The following RPGRIP1L variants were observed in gnomAD, a reference collection of about 807,000 sequenced individuals.
RPGRIP1L encodes the protein protein fantom.
Under a neutral mutation model 160.4 loss-of-function variants are expected in RPGRIP1L, and 131 were observed. The ratio of observed to expected loss-of-function variants is 0.82; its 90% CI spans 0.71 to 0.94. The LOEUF (loss-of-function observed/expected upper bound fraction) is 0.94. RPGRIP1L is among the 40% of genes least tolerant of loss of function. The pLI, the probability that RPGRIP1L is intolerant of heterozygous loss-of-function variation, is 0.00. For missense variants in RPGRIP1L, 1,522 were observed against 1,535.8 expected, an observed-to-expected ratio of 0.99 and a Z score of 0.15; for synonymous variants, 510 against 515.8, an observed-to-expected ratio of 0.99 and a Z score of 0.15.
At chr16:53,625,464 C>T (rs2150988028) in intron 22 of RPGRIP1L, among the ~76,000 whole-genome samples, 1 of 128,118 alleles carries the variant, frequency 7.8e-6, no homozygotes, top group East Asian at 2.8e-4. Flanking sequence ...GCAGCCGCCC[C>T]ATCTGGGGGC....
At chr16:53,636,299 T>C (rs558276871) in intron 22 of RPGRIP1L, 140 bp downstream of exon 22, 13 of 673,814 alleles carry the variant, frequency 1.9e-5, no homozygotes, top group African/African-American at 1.8e-4. Flanking sequence ...AGATGACTAC[T>C]TGGTTAAGAT....
intron 22 of RPGRIP1L, among the ~76,000 whole-genome samples, chr16:53,626,290 T>G (rs1253471869): frequency 6.6e-6 from 1 of 152,054 alleles, no homozygotes; most frequent in Non-Finnish European, 1.5e-5. Flanking sequence ...TCAGAATTAC[T>G]AGAGCAACAT....
At chr16:53,640,971 T>C (rs1203839202) in intron 19 of RPGRIP1L, 62 bp downstream of exon 19, 1 of 1,129,914 alleles carries the variant, frequency 8.9e-7, no homozygotes, top group African/African-American at 1.5e-5. Context: ...ATAATATGCC[T>C]ATATAATTTA....
chr16:53,672,025 C>T (rs574556975), intron 8 of RPGRIP1L, among the ~76,000 whole-genome samples: 2 of 152,036 alleles, frequency 1.3e-5, no homozygotes, highest in African/African-American at 4.8e-5. Context: ...TTGTTAATCA[C>T]AATTTACTCT....
chr16:53,659,101 G>A (rs1226354044), intron 10 of RPGRIP1L: 1 of 654,966 alleles, frequency 1.5e-6, no homozygotes, highest in African/African-American at 1.8e-5. Flanking sequence ...AAAAACCCAA[G>A]ACATAAGTTC....
At chr16:53,681,004 C>G (rs1213366258) in intron 6 of RPGRIP1L, among the ~76,000 whole-genome samples, 1 of 152,122 alleles carries the variant, frequency 6.6e-6, no homozygotes. Flanking sequence ...AGTGCTCACT[C>G]AACTATTCTT....
intron 22 of RPGRIP1L, among the ~76,000 whole-genome samples, chr16:53,622,630 C>T (rs1042047513): frequency 2.0e-5 from 3 of 151,500 alleles, no homozygotes; most frequent in Non-Finnish European, 2.9e-5. Flanking sequence ...TCCTAAATAT[C>T]GCCACAATTG....
intron 15 of RPGRIP1L, among the ~76,000 whole-genome samples, chr16:53,652,089 G>T (rs1966861774): frequency 6.7e-6 from 1 of 149,442 alleles, no homozygotes; most frequent in African/African-American, 2.5e-5. Flanking sequence ...TTTTTTTTTT[G>T]AGATGGAAGA....
chr16:53,637,586 C>A, intron 21 of RPGRIP1L, 109 bp downstream of exon 21: 2 of 953,746 alleles, frequency 2.1e-6, no homozygotes, highest in Non-Finnish European at 3.3e-6. Context: ...AAACAGGTAT[C>A]GTGAAGTAGA....
intron 24 of RPGRIP1L, among the ~76,000 whole-genome samples, chr16:53,614,838 A>G (rs908558710): frequency 6.6e-6 from 1 of 152,230 alleles, no homozygotes; most frequent in Non-Finnish European, 1.5e-5. Context: ...TACTGAAAGC[A>G]TATGTCTCAA....
At chr16:53,604,028 G>A (rs1963525140) in intron 26 of RPGRIP1L, among the ~76,000 whole-genome samples, 1 of 152,138 alleles carries the variant, frequency 6.6e-6, no homozygotes, top group Non-Finnish European at 1.5e-5. Flanking sequence ...AAAATACGAA[G>A]AATATAAAGC....
At chr16:53,661,319 C>T (rs556450904) in intron 10 of RPGRIP1L, among the ~76,000 whole-genome samples, 1 of 151,128 alleles carries the variant, frequency 6.6e-6, no homozygotes, top group East Asian at 1.9e-4. Context: ...AAAGAATATC[C>T]AAATGTGAAC....
chr16:53,689,493 T>C (rs1169649540), intron 4 of RPGRIP1L, among the ~76,000 whole-genome samples: 1 of 152,206 alleles, frequency 6.6e-6, no homozygotes, highest in Non-Finnish European at 1.5e-5. Context: ...AAATCTTTGT[T>C]CCGTTGTTTC....
At chr16:53,619,251 A>C in intron 23 of RPGRIP1L, 43 bp from the exon 24 acceptor site, 2 of 1,560,006 alleles carry the variant, frequency 1.3e-6, no homozygotes, top group Non-Finnish European at 1.8e-6. Flanking sequence ...GAAATAAAAT[A>C]ATTGAACAAA....
chr16:53,653,096 T>A, intron 14 of RPGRIP1L, 109 bp from the exon 15 acceptor site: 1 of 965,876 alleles, frequency 1.0e-6, no homozygotes, highest in South Asian at 1.4e-5. Flanking sequence ...GTCTCTATTT[T>A]AAATTCTATG....
intron 3 of RPGRIP1L, chr16:53,694,223 C>A (rs1217410827): frequency 1.8e-4 from 27 of 151,988 alleles, no homozygotes; most frequent in Non-Finnish European, 1.5e-5. Flanking sequence ...CACCTGAGGT[C>A]TGGAGTTCAT....
chr16:53,646,382 T>C (rs1435067528), intron 16 of RPGRIP1L, among the ~76,000 whole-genome samples: 1 of 152,030 alleles, frequency 6.6e-6, no homozygotes, highest in African/African-American at 2.4e-5. Context: ...CCCAGAGTAA[T>C]GATTCTGTTA....
intron 22 of RPGRIP1L, among the ~76,000 whole-genome samples, chr16:53,625,545 G>T (rs1965078936): frequency 2.0e-5 from 3 of 148,182 alleles, no homozygotes; most frequent in Non-Finnish European, 4.5e-5. Context: ...CCGCCCGGCA[G>T]CCACCCCGTC....
chr16:53,659,201 G>T, intron 10 of RPGRIP1L: 1 of 980,066 alleles, frequency 1.0e-6, no homozygotes, highest in East Asian at 9.3e-5. Flanking sequence ...CAAAATCTGT[G>T]ATTTTTTACT....
Sources: gnomAD v4.1 joint callset for allele counts (sites outside exome capture counted in the v4.1 genomes callset) on GRCh38, gnomAD v4.1.1 for gene constraint, MANE v1.5 for transcripts, NCBI Gene and HGNC (gene_info 2026-07-23, HGNC 2026-07-21) for gene names.